The following SFI1 variants were observed in gnomAD, a reference collection of about 807,000 sequenced individuals.
The protein encoded by SFI1 is SFI1 centrin binding protein.
Under a neutral mutation model 207.5 loss-of-function variants are expected in SFI1, and 195 were observed. The ratio of observed to expected loss-of-function variants is 0.94; its 90% CI spans 0.84 to 1.06. The LOEUF is 1.06. Among genes scored for constraint, SFI1 ranks in the 50% least tolerant of loss-of-function variants. The pLI, the probability that SFI1 is intolerant of heterozygous loss-of-function variation, is 0.00. For missense variants in SFI1, 1,634 were observed against 1,588.0 expected (o/e 1.03, Z -0.49); for synonymous variants, 630 against 598.9 (o/e 1.05, Z -0.76).
chr22:31,570,249 T>C (rs1219499591), intron 8 of SFI1, among the ~76,000 whole-genome samples: 3 of 152,166 alleles, frequency 2.0e-5, no homozygotes, highest in African/African-American at 7.2e-5. Context: ...AAGACGGTGG[T>C]TGGATTCTCA....
intron 15 of SFI1, among the ~76,000 whole-genome samples, chr22:31,598,742 TGAGCAGAAGTG>T: frequency 1.6e-5 from 2 of 124,494 alleles, no homozygotes; most frequent in African/African-American, 2.9e-5. Flanking sequence ...TTTTTTTTGA[TGAGCAGAAGTG>T]TTTGAATTCT....
At chr22:31,598,838 G>T (rs1191924636) in intron 15 of SFI1, among the ~76,000 whole-genome samples, 1 of 129,658 alleles carries the variant, frequency 7.7e-6, no homozygotes, top group African/African-American at 3.0e-5. Context: ...CTGTTGCCCA[G>T]GCTGGAGTGC....
rs1603336772 is a variant in SFI1, at chr22:31,606,265, A to T, written c.2055-63A>T. 3 of 1,462,762 alleles carry T rather than the reference A, an allele frequency of 2.1e-6. No homozygotes were observed. The East Asian group carries it at 6.8e-5, about 33-fold the overall frequency. 90.6% of individuals were successfully genotyped at this position (1,462,762 alleles called of 1,614,324 possible). Reference sequence around the variant, plus strand: ...AGGGGAAGAAGTAGGAATGATTCACAGAAGCCTCCCTTCTCTCTCTATCCT... The same window carrying T: ...AGGGGAAGAAGTAGGAATGATTCACTGAAGCCTCCCTTCTCTCTCTATCCT... On this transcript the variant is annotated intron_variant, in intron 20 of 32. Transcript: ENST00000400288.
chr22:31,559,286 G>A (rs2061449603), intron 7 of SFI1, among the ~76,000 whole-genome samples: 1 of 151,906 alleles, frequency 6.6e-6, no homozygotes, highest in Admixed American at 6.6e-5. Flanking sequence ...AGCCTGGTTT[G>A]ATGGTGCACG....
chr22:31,604,404 G>GGTAGGAA lies in SFI1; in HGVS notation c.1977+1_1977+7dup. 6.6e-7 allele frequency: 1 copy of GGTAGGAA among 1,523,930 alleles called. No homozygotes were observed. The highest frequency in any genetic ancestry group is 1.2e-5 in the South Asian group (1 of 81,194). 94.4% of individuals were successfully genotyped at this position (1,523,930 alleles called of 1,614,324 possible). On this transcript the variant is annotated frameshift_variant and splice_region_variant. Transcript: ENST00000400288. LOFTEE classifies it high-confidence loss of function. ...TGCACAGGGCGCTGCAGGCATGGGT[G>GGTAGGAA]GTAGGAACTGCTGCTTCCCTCCTGA...
chr22:31,575,127 T>A, intron 9 of SFI1, 104 bp from the exon 10 acceptor site: 63 of 793,028 alleles, frequency 7.9e-5, no homozygotes, highest in Non-Finnish European at 1.0e-4. Flanking sequence ...TGTGTGGCCT[T>A]GAACCCCTGC....
intron 9 of SFI1, 120 bp from the exon 10 acceptor site, chr22:31,575,110 GT>G: frequency 3.4e-6 from 2 of 583,144 alleles, no homozygotes; most frequent in Non-Finnish European, 5.7e-6. Context: ...GTGTGTGTGT[GT>G]GTGTGTGTGT....
chr22:31,496,399 C>T (rs898795491), upstream of SFI1: 3 of 152,388 alleles, frequency 2.0e-5, no homozygotes, highest in Admixed American at 6.5e-5. Context: ...TGCAAAGCAA[C>T]CCGAAGTGCG....
chr22:31,564,673 A>T (rs983006128), intron 8 of SFI1, among the ~76,000 whole-genome samples: 19 of 139,434 alleles, frequency 1.4e-4, no homozygotes, highest in Admixed American at 3.6e-4. Flanking sequence ...CCTGGCTAAT[A>T]TTTTTTTTTT....
At chr22:31,542,357 G>A (rs896513353) in intron 4 of SFI1, among the ~76,000 whole-genome samples, 1 of 151,984 alleles carries the variant, frequency 6.6e-6, no homozygotes. Flanking sequence ...GCCGGGCATG[G>A]TGGCACATAC....
In SFI1 at chr22:31,613,621, G is replaced by A. The variant is rs368081565; in HGVS notation, c.2762G>A (p.Arg921His). Residue 921 changes from arginine (R) to histidine (H), a missense_variant, in exon 27 of 33, where the codon CGT becomes CAT. Transcript: ENST00000400288. ...TTGTAGGCGGCTCACAGTCTCCATC[G>A]TGCCGTCCGCCGCTGTGCCACGCTC... ...QQVQAAHSLH[R>H]AVRRCATLWK... is the part of the protein sequence containing the mutation. 1.1e-4 allele frequency: 175 copies of A among 1,588,498 alleles called. No homozygotes were observed. Among genetic ancestry groups the A allele is most frequent in the Non-Finnish European group, 1.4e-4 (167 of 1,164,880 alleles).
intron 7 of SFI1, chr22:31,559,670 A>C: frequency 1.3e-6 from 1 of 756,244 alleles, no homozygotes; most frequent in Admixed American, 1.7e-5. Context: ...TGAGGATGAG[A>C]TGGAACGTGT....
At position 31,618,197 on chromosome 22, in the gene SFI1, G is replaced by A; in HGVS notation, c.3595G>A (p.Glu1199Lys). Residue 1199 changes from glutamate to lysine, a missense_variant, in exon 32 of 33, where the codon GAG (glutamate) becomes AAG (lysine). Transcript: ENST00000400288. ...EEPGPEDQEV[E>K]QQVQKELEQV... is the part of the protein sequence containing the mutation. Reference sequence around the variant, plus strand: ...GCCGGGGCCTGAGGACCAGGAAGTAGAGCAGCAGGTGCAGAAAGAGCTGGA... The same window carrying A: ...GCCGGGGCCTGAGGACCAGGAAGTAAAGCAGCAGGTGCAGAAAGAGCTGGA... The A allele has an allele frequency of 2.5e-6, 4 of 1,597,250 alleles. No homozygotes were observed. In the South Asian group the frequency reaches 3.4e-5, roughly 14 times the overall value.
At chr22:31,594,569 A>C (rs1206290962) in intron 15 of SFI1, among the ~76,000 whole-genome samples, 2 of 143,548 alleles carry the variant, frequency 1.4e-5, no homozygotes, top group East Asian at 2.1e-4. Context: ...AAAAGAAAAG[A>C]AAAAGGCCGG....
intron 4 of SFI1, among the ~76,000 whole-genome samples, chr22:31,539,643 G>A (rs780740746): frequency 1.3e-5 from 2 of 151,836 alleles, no homozygotes; most frequent in Non-Finnish European, 2.9e-5. Flanking sequence ...TGTCATGTTG[G>A]AGCCTTTCCT....
Position 31,568,011 on chromosome 22 carries a change from T to C in SFI1, c.766-5047T>C, listed in dbSNP as rs1270377153. On this transcript the variant is annotated intron_variant, in intron 8 of 32. Coordinates refer to ENST00000400288, the MANE Select transcript of SFI1 (RefSeq NM_001007467.3). ...TGAAATTGTTACATTGAAAGTATTA[T>C]AGTTACATTGTAAGATAAAGCAAAT... Among the ~76,000 whole-genome samples, 4 of 152,224 alleles carry C rather than the reference T, an allele frequency of 2.6e-5. No individual in the cohort carries two copies. In the East Asian group the frequency reaches 7.7e-4, roughly 29 times the overall value.
chr22:31,564,230 G>C (rs1456809338), intron 8 of SFI1, among the ~76,000 whole-genome samples: 2 of 151,204 alleles, frequency 1.3e-5, no homozygotes, highest in African/African-American at 4.9e-5. Context: ...AGGAGGCTGA[G>C]GCAGGAGAAT....
At chr22:31,574,019 T>C (rs1218149055) in intron 9 of SFI1, among the ~76,000 whole-genome samples, 1 of 152,226 alleles carries the variant, frequency 6.6e-6, no homozygotes, top group Non-Finnish European at 1.5e-5. Context: ...GTGATTTTGA[T>C]GTTGAGTTTT....
intron 16 of SFI1, 74 bp downstream of exon 16, chr22:31,602,367 T>G: frequency 1.4e-6 from 2 of 1,463,074 alleles, no homozygotes; most frequent in Non-Finnish European, 1.9e-6. Flanking sequence ...CGGCCTCCCC[T>G]CCTCAGGAAG....
Sources: allele counts gnomAD v4.1 joint callset (sites outside exome capture counted in the v4.1 genomes callset), GRCh38; gene constraint gnomAD v4.1.1; transcripts MANE v1.5; gene names NCBI Gene and HGNC (gene_info 2026-07-23, HGNC 2026-07-21).